ANKS4B: variants seen among roughly 807,000 people sequenced by gnomAD.
ANKS4B encodes ankyrin repeat and sterile alpha motif domain containing 4B, also known as ankyrin repeat and SAM domain-containing protein 4B.
Under a neutral mutation model 20.2 loss-of-function variants are expected in ANKS4B, and 21 were observed. That is an observed-to-expected ratio of 1.04 (90% CI 0.74 to 1.50). The LOEUF is 1.50. Among genes scored for constraint, ANKS4B ranks in the 40% most tolerant of loss-of-function variants. ANKS4B has a pLI of 0.00. For missense variants in ANKS4B, 473 were observed against 494.6 expected, an observed-to-expected ratio of 0.96 and a Z score of 0.41; for synonymous variants, 179 against 194.5, an observed-to-expected ratio of 0.92 and a Z score of 0.66.
At chr16:21,234,035 GAA>G in intron 1 of ANKS4B, 134 bp downstream of exon 1, 1 of 920,870 alleles carries the variant, frequency 1.1e-6, no homozygotes. Context: ...GATTTTTAGA[GAA>G]AGAGAGAAAA....
At position 21,250,338 on chromosome 16, in the gene ANKS4B, G is replaced by A. The variant is rs765325045; in HGVS notation, c.772G>A (p.Gly258Ser). Residue 258 changes from glycine to serine, a missense_variant, in exon 2 of 2, where the codon GGC becomes AGC. Gly to Ser is a moderately conservative substitution (Grantham distance 56). Coordinates refer to ENST00000311620, the MANE Select transcript of ANKS4B (RefSeq NM_145865.3). ...EKLQLSAEEDGSVHHESILNR... is the reference protein window; with the variant it reads ...EKLQLSAEEDSSVHHESILNR... ...GCTCCAGTTGTCAGCAGAGGAGGACGGCAGTGTGCACCATGAATCCATTCT... is the reference window on the plus strand; with the variant it reads ...GCTCCAGTTGTCAGCAGAGGAGGACAGCAGTGTGCACCATGAATCCATTCT... The A allele has an allele frequency of 2.5e-6, 4 of 1,614,188 alleles. No homozygotes were observed. The highest frequency in any genetic ancestry group is 1.1e-5 in the South Asian group (1 of 91,070).
intron 1 of ANKS4B, 129 bp from the exon 2 acceptor site, chr16:21,249,602 A>G (rs2093336211): frequency 2.7e-6 from 3 of 1,093,398 alleles, no homozygotes; most frequent in Non-Finnish European, 3.8e-6. Flanking sequence ...TCTTATAACA[A>G]TGTCAAGTCA....
At chr16:21,239,947 T>C (rs567568671) in intron 1 of ANKS4B, among the ~76,000 whole-genome samples, 1 of 152,292 alleles carries the variant, frequency 6.6e-6, no homozygotes. Context: ...AACCTGCACA[T>C]GTACTCCTGA....
At chr16:21,241,759 G>A (rs1183682914) in intron 1 of ANKS4B, among the ~76,000 whole-genome samples, 1 of 152,150 alleles carries the variant, frequency 6.6e-6, no homozygotes, top group African/African-American at 2.4e-5. Flanking sequence ...TATTTATGGT[G>A]TACAACGTGA....
At chr16:21,247,117 G>C (rs2093333297) in intron 1 of ANKS4B, among the ~76,000 whole-genome samples, 1 of 151,482 alleles carries the variant, frequency 6.6e-6, no homozygotes, top group Non-Finnish European at 1.5e-5. Flanking sequence ...CCAGGCTGGA[G>C]TGCAGTGGTG....
At chr16:21,245,845 G>A (rs2093331660) in intron 1 of ANKS4B, among the ~76,000 whole-genome samples, 1 of 152,142 alleles carries the variant, frequency 6.6e-6, no homozygotes, top group Non-Finnish European at 1.5e-5. Context: ...ATAAATACAT[G>A]AAATTAAGGA....
chr16:21,250,331 G>C lies in ANKS4B; in HGVS notation c.765G>C (p.Glu255Asp). ...AAGAGAAGCTCCAGTTGTCAGCAGA[G>C]GAGGACGGCAGTGTGCACCATGAAT... ...DFKEKLQLSA[E>D]EDGSVHHESI... Residue 255 changes from glutamate to aspartate, a missense_variant, in exon 2 of 2, where the codon GAG becomes GAC. Coordinates refer to ENST00000311620, the MANE Select transcript of ANKS4B (RefSeq NM_145865.3). The C allele has an allele frequency of 6.2e-7, 1 of 1,614,202 alleles. No homozygotes were observed. The highest frequency in any genetic ancestry group is 8.5e-7 in the Non-Finnish European group (1 of 1,180,038).
intron 1 of ANKS4B, among the ~76,000 whole-genome samples, chr16:21,242,049 T>C (rs1247115128): frequency 6.6e-6 from 1 of 152,146 alleles, no homozygotes; most frequent in African/African-American, 2.4e-5. Flanking sequence ...AATAAATAAC[T>C]AATTTTTAAA....
Position 21,250,551 on chromosome 16 carries a change from C to A in ANKS4B, c.985C>A (p.Leu329Met). The A allele has an allele frequency of 6.2e-7, 1 of 1,614,202 alleles. No individual in the cohort carries two copies. Among genetic ancestry groups the A allele is most frequent in the Non-Finnish European group, 8.5e-7 (1 of 1,180,044 alleles). Residue 329 changes from leucine to methionine, a missense_variant, in exon 2 of 2, where the codon CTG becomes ATG. Leu to Met is a conservative substitution (Grantham distance 15). Transcript: ENST00000311620. ...AGAGGAAAACGGCCTCAAAGATGATCTGCCGTGGGATGACGATGAAGTGGA... is the reference window on the plus strand; with the variant it reads ...AGAGGAAAACGGCCTCAAAGATGATATGCCGTGGGATGACGATGAAGTGGA... ...EGEENGLKDD[L>M]PWDDDEVEWE...
rs1186405828 is a variant in ANKS4B at position 21,233,902 on chromosome 16, G to T, written c.164+1G>T. ...CCCTAGAGATAATCTGCAGTAGAGG[G>T]TAAGTTCAACCCGATGGTTTCTGTT... On this transcript the variant is annotated splice_donor_variant, in intron 1 of 1. Transcript: ENST00000311620. LOFTEE classifies it high-confidence loss of function. 1.9e-6 allele frequency: 3 copies of T among 1,609,740 alleles called. No homozygotes were observed. In the African/African-American group the frequency reaches 4.0e-5, roughly 21 times the overall value.
chr16:21,245,605 C>T (rs1374671703), intron 1 of ANKS4B, among the ~76,000 whole-genome samples: 9 of 152,226 alleles, frequency 5.9e-5, no homozygotes, highest in African/African-American at 1.2e-4. Context: ...GCTGGGACTA[C>T]AGGCGCGCAC....
chr16:21,250,098 G>A lies in ANKS4B; in HGVS notation c.532G>A (p.Gly178Ser). The A allele has an allele frequency of 6.2e-7, 1 of 1,614,110 alleles. No individual in the cohort carries two copies. The highest frequency in any genetic ancestry group is 1.1e-5 in the South Asian group (1 of 91,076). The change falls in exon 2 of 2, where the codon GGT becomes AGT. Residue 178 changes from glycine (G) to serine (S), a missense_variant. Transcript: ENST00000311620. ...ATCCGGGACTCTCTCTTCTTCCAAG[G>A]GTACCTTCTCCAGATCATCCCCTTC... Reference protein sequence around the residue: ...EESGTLSSSKGTFSRSSPSNA... With the variant: ...EESGTLSSSKSTFSRSSPSNA...
intron 1 of ANKS4B, among the ~76,000 whole-genome samples, chr16:21,239,778 G>A (rs1008294252): frequency 6.6e-6 from 1 of 152,174 alleles, no homozygotes; most frequent in African/African-American, 2.4e-5. Context: ...TGGAGATGGA[G>A]GCCATTATTC....
At chr16:21,242,970 C>G (rs2093328175) in intron 1 of ANKS4B, among the ~76,000 whole-genome samples, 2 of 152,160 alleles carry the variant, frequency 1.3e-5, no homozygotes, top group African/African-American at 4.8e-5. Context: ...CTGCCAAAAC[C>G]AAGTATTACT....
chr16:21,240,945 C>T (rs1246647515), intron 1 of ANKS4B, among the ~76,000 whole-genome samples: 1 of 152,064 alleles, frequency 6.6e-6, no homozygotes, highest in East Asian at 1.9e-4. Context: ...TATGCGCCAC[C>T]ATGCCCAGCT....
chr16:21,237,530 A>G (rs927275941), intron 1 of ANKS4B, among the ~76,000 whole-genome samples: 1 of 151,944 alleles, frequency 6.6e-6, no homozygotes, highest in Non-Finnish European at 1.5e-5. Flanking sequence ...TCCGCTTCCA[A>G]GATGGTGCCT....
chr16:21,240,250 T>C (rs1203974846), intron 1 of ANKS4B, among the ~76,000 whole-genome samples: 4 of 152,206 alleles, frequency 2.6e-5, no homozygotes, highest in Admixed American at 2.6e-4. Flanking sequence ...TGAAATTTCT[T>C]GGTTTTATTT....
At position 21,239,911 on chromosome 16, in the gene ANKS4B, C is replaced by T. The variant is rs530920583; in HGVS notation, c.164+6010C>T. On this transcript the variant is annotated intron_variant, in intron 1 of 1. Coordinates refer to ENST00000311620, the MANE Select transcript of ANKS4B (RefSeq NM_145865.3). ...GACAAAATTATCTACAACAAACACT[C>T]GTGATATGAGTTTACCTATATAACA... Among the ~76,000 whole-genome samples the T allele has an allele frequency of 1.8e-4, 27 of 152,168 alleles. 2 individuals carry two copies. The highest frequency in any genetic ancestry group is 6.3e-4 in the African/African-American group (26 of 41,524).
At chr16:21,241,696 G>A (rs1030567434) in intron 1 of ANKS4B, among the ~76,000 whole-genome samples, 1 of 152,154 alleles carries the variant, frequency 6.6e-6, no homozygotes, top group African/African-American at 2.4e-5. Flanking sequence ...ATAGGCGTGA[G>A]CTACTGTGCC....
Sources: gnomAD v4.1 joint callset for allele counts (sites outside exome capture counted in the v4.1 genomes callset) on GRCh38, gnomAD v4.1.1 for gene constraint, MANE v1.5 for transcripts, NCBI Gene and HGNC (gene_info 2026-07-23, HGNC 2026-07-21) for gene names.